The following GRIK4 variants were observed in gnomAD, a reference collection of about 807,000 sequenced individuals.
GRIK4 encodes glutamate ionotropic receptor kainate type subunit 4.
GRIK4 carries 40 observed loss-of-function variants against 104.9 expected under a neutral mutation model. The ratio of observed to expected loss-of-function variants is 0.38; its 90% confidence interval spans 0.30 to 0.50. The LOEUF is 0.50. Ranked by LOEUF, GRIK4 falls within the 20% of genes least tolerant of loss-of-function variation. The pLI, the probability that GRIK4 is intolerant of heterozygous loss-of-function variation, is 0.93. For missense variants in GRIK4, 1,047 were observed against 1,308.1 expected, an observed-to-expected ratio of 0.80 and a Z score of 3.08; for synonymous variants, 485 against 524.9, an observed-to-expected ratio of 0.92 and a Z score of 1.04.
At chr11:120,964,218 C>T (rs894579856) in intron 18 of GRIK4, among the ~76,000 whole-genome samples, 1 of 152,102 alleles carries the variant, frequency 6.6e-6, no homozygotes, top group Admixed American at 6.5e-5. Flanking sequence ...TCTTGAACTC[C>T]TGACCTCAGG....
chr11:120,832,247 G>A (rs1953451023), intron 7 of GRIK4, among the ~76,000 whole-genome samples: 1 of 152,202 alleles, frequency 6.6e-6, no homozygotes, highest in Admixed American at 6.5e-5. Flanking sequence ...GGGCAGCAGG[G>A]CAGTAGGCAA....
intron 14 of GRIK4, among the ~76,000 whole-genome samples, chr11:120,944,951 A>G (rs1338583124): frequency 1.3e-5 from 2 of 152,128 alleles, no homozygotes; most frequent in Non-Finnish European, 1.5e-5. Context: ...CAACAAATGT[A>G]TATTAATTGT....
intron 2 of GRIK4, among the ~76,000 whole-genome samples, chr11:120,656,952 C>A (rs1949720237): frequency 6.6e-6 from 1 of 152,156 alleles, no homozygotes; most frequent in Non-Finnish European, 1.5e-5. Flanking sequence ...GTTCTGTCAT[C>A]AAATAAAATT....
intron 7 of GRIK4, among the ~76,000 whole-genome samples, chr11:120,835,513 G>C (rs1393997796): frequency 6.8e-6 from 1 of 147,252 alleles, no homozygotes; most frequent in Admixed American, 7.0e-5. Context: ...GGGTGACAGA[G>C]TGAGACTCTG....
intron 1 of GRIK4, among the ~76,000 whole-genome samples, chr11:120,585,292 A>G (rs1190018444): frequency 6.6e-6 from 1 of 151,608 alleles, no homozygotes; most frequent in Non-Finnish European, 1.5e-5. Context: ...CTTTGAGACT[A>G]TGCTTTAAAT....
intron 16 of GRIK4, among the ~76,000 whole-genome samples, chr11:120,960,430 C>T (rs568640355): frequency 7.2e-5 from 11 of 152,334 alleles, no homozygotes; most frequent in African/African-American, 2.2e-4. Context: ...ATTTTGCTTC[C>T]GTGAGCTCTA....
At chr11:120,852,685 T>C (rs555908584) in intron 8 of GRIK4, among the ~76,000 whole-genome samples, 3 of 152,208 alleles carry the variant, frequency 2.0e-5, no homozygotes, top group African/African-American at 4.8e-5. Flanking sequence ...CAAAAAGCCA[T>C]CTCCCAGCCT....
At chr11:120,878,616 C>A (rs1029423743) in intron 11 of GRIK4, among the ~76,000 whole-genome samples, 27 of 145,528 alleles carry the variant, frequency 1.9e-4, no homozygotes, top group Non-Finnish European at 3.0e-4. Context: ...ATGCCCCGCC[C>A]CCCCCCCTTT....
intron 3 of GRIK4, among the ~76,000 whole-genome samples, chr11:120,739,629 C>T (rs1452138717): frequency 6.6e-6 from 1 of 152,164 alleles, no homozygotes; most frequent in Non-Finnish European, 1.5e-5. Context: ...TTCTCTGAGA[C>T]AACATGTTTA....
chr11:120,650,166 G>A lies in GRIK4; in HGVS notation c.-158-3519G>A, dbSNP rs560691665. On this transcript the variant is annotated intron_variant, in intron 1 of 20. Transcript: ENST00000527524. ...CTGCCTACCTCCCTTTCAGTGTACT[G>A]GAGATGGGAGCTGCGGGCTCCTTGC... Among the ~76,000 whole-genome samples, 3 of 152,338 alleles carry A rather than the reference G, an allele frequency of 2.0e-5. No homozygotes were observed. In the South Asian group the frequency reaches 6.2e-4, roughly 32 times the overall value.
chr11:120,763,436 A>G (rs573999836), intron 3 of GRIK4, among the ~76,000 whole-genome samples: 2 of 152,138 alleles, frequency 1.3e-5, no homozygotes, highest in East Asian at 1.9e-4. Flanking sequence ...TCATGCCTCT[A>G]TCTCCTTCAG....
chr11:120,726,562 G>T (rs1951030716), intron 3 of GRIK4, among the ~76,000 whole-genome samples: 1 of 152,222 alleles, frequency 6.6e-6, no homozygotes, highest in Non-Finnish European at 1.5e-5. Context: ...GGAATGTGGG[G>T]AAAAGAGACT....
intron 13 of GRIK4, among the ~76,000 whole-genome samples, chr11:120,908,665 T>A (rs1327864213): frequency 6.6e-6 from 1 of 152,166 alleles, no homozygotes; most frequent in African/African-American, 2.4e-5. Flanking sequence ...TAGCTTTGTA[T>A]TAAGCACAGA....
intron 3 of GRIK4, among the ~76,000 whole-genome samples, chr11:120,681,961 T>G (rs1950199730): frequency 6.6e-6 from 1 of 152,180 alleles, no homozygotes; most frequent in Non-Finnish European, 1.5e-5. Flanking sequence ...ATGAGATAAT[T>G]CATAAAAATT....
At chr11:120,747,485 A>G (rs1320594799) in intron 3 of GRIK4, among the ~76,000 whole-genome samples, 1 of 152,072 alleles carries the variant, frequency 6.6e-6, no homozygotes, top group Non-Finnish European at 1.5e-5. Context: ...AAAGTCCAAA[A>G]CCCCATAAAC....
chr11:120,557,739 G>A (rs182089715), intron 1 of GRIK4, among the ~76,000 whole-genome samples: 1 of 152,262 alleles, frequency 6.6e-6, no homozygotes, highest in African/African-American at 2.4e-5. Context: ...TAATCGGGCC[G>A]GGCGCGGTGG....
intron 1 of GRIK4, among the ~76,000 whole-genome samples, chr11:120,557,833 G>A (rs1441004274): frequency 6.6e-6 from 1 of 151,964 alleles, no homozygotes; most frequent in Non-Finnish European, 1.5e-5. Context: ...TGGCTAACAC[G>A]GTGAAACTCC....
rs1374698127 is a variant in GRIK4, at chr11:120,765,816, C to T, written c.83-36877C>T. 3.3e-5 allele frequency among the ~76,000 whole-genome samples: 5 copies of T among 152,364 alleles called. No homozygotes were observed. The Middle Eastern group carries it at 0.01, about 311-fold the overall frequency. On this transcript the variant is annotated intron_variant, in intron 3 of 20. Transcript: ENST00000527524. ...AGCAAAGATTGCTGCCTGCTCCTTC[C>T]TCTGGAAGTTTCATCATAGAGGGGC...
At chr11:120,621,612 T>G (rs1949190758) in intron 1 of GRIK4, among the ~76,000 whole-genome samples, 1 of 152,146 alleles carries the variant, frequency 6.6e-6, no homozygotes, top group African/African-American at 2.4e-5. Context: ...GGAGTTGGGT[T>G]AGTGTGCTTT....
Sources: gnomAD v4.1 joint callset for allele counts (sites outside exome capture counted in the v4.1 genomes callset) on GRCh38, gnomAD v4.1.1 for gene constraint, MANE v1.5 for transcripts, NCBI Gene and HGNC (gene_info 2026-07-23, HGNC 2026-07-21) for gene names.